ZSWIM3: variants seen among roughly 807,000 people sequenced by gnomAD.
ZSWIM3 encodes zinc finger SWIM domain-containing protein 3.
In ZSWIM3, 27 loss-of-function variants were observed where a neutral mutation model predicts 47.5. The ratio of observed to expected loss-of-function variants is 0.57; its 90% CI spans 0.42 to 0.78. ZSWIM3 has a LOEUF of 0.78. ZSWIM3 is among the 30% of genes least tolerant of loss of function. The probability of loss-of-function intolerance (pLI) is 0.00; values close to 1 mark genes in which losing one functional copy is unlikely to be tolerated. For missense variants in ZSWIM3, 689 were observed against 861.3 expected (o/e 0.80, Z 2.50); for synonymous variants, 333 against 333.9 (o/e 1.00, Z 0.03).
chr20:45,873,636 A>G (rs1449800440), intron 1 of ZSWIM3, among the ~76,000 whole-genome samples: 1 of 152,228 alleles, frequency 6.6e-6, no homozygotes, highest in African/African-American at 2.4e-5. Flanking sequence ...GGCTCATTTA[A>G]TCTTAATAAC....
At chr20:45,859,423 G>GAAAAAA (rs74176827) in intron 1 of ZSWIM3, among the ~76,000 whole-genome samples, 1 of 56,698 alleles carries the variant, frequency 1.8e-5, no homozygotes, top group African/African-American at 7.1e-5. Flanking sequence ...AAGGAATGTG[G>GAAAAAA]AAAAAAAAAA....
In ZSWIM3 at chr20:45,862,433, G is replaced by A. The variant is rs1012289439; in HGVS notation, c.155+4453G>A. Among the ~76,000 whole-genome samples, 3 of 151,962 alleles carry A rather than the reference G, an allele frequency of 2.0e-5. No homozygotes were observed. The East Asian group carries it at 5.8e-4, about 29-fold the overall frequency. On this transcript the variant is annotated intron_variant, in intron 1 of 1. Coordinates refer to ENST00000255152, the MANE Select transcript of ZSWIM3 (RefSeq NM_080752.4). Reference sequence around the variant, plus strand: ...GCTGGGATTACAGATGTGAGCCACCGTGCCCAGTCTGCATTATCTTTTTTA... The same window carrying A: ...GCTGGGATTACAGATGTGAGCCACCATGCCCAGTCTGCATTATCTTTTTTA...
chr20:45,860,001 G>A (rs1008624433), intron 1 of ZSWIM3, among the ~76,000 whole-genome samples: 1 of 152,166 alleles, frequency 6.6e-6, no homozygotes, highest in Non-Finnish European at 1.5e-5. Context: ...AGACGTAAGA[G>A]TGAAAGGGAG....
At chr20:45,864,419 G>C (rs926093610) in intron 1 of ZSWIM3, among the ~76,000 whole-genome samples, 5 of 152,200 alleles carry the variant, frequency 3.3e-5, no homozygotes, top group African/African-American at 1.2e-4. Flanking sequence ...GGGTTGGTGG[G>C]GGAAATGTTT....
At chr20:45,865,413 G>A (rs183097426) in intron 1 of ZSWIM3, among the ~76,000 whole-genome samples, 1,727 of 152,132 alleles carry the variant, frequency 0.011, 42 homozygotes, top group African/African-American at 0.04. Flanking sequence ...GCGTGAACCC[G>A]GGAGGCGGAG....
chr20:45,878,082 G>T lies in ZSWIM3; in HGVS notation c.1524G>T (p.Lys508Asn). The T allele has an allele frequency of 6.2e-7, 1 of 1,614,178 alleles. No homozygotes were observed. Residue 508 changes from lysine (K) to asparagine (N), a missense_variant, in exon 2 of 2, where the codon AAG becomes AAT. Coordinates refer to ENST00000255152, the MANE Select transcript of ZSWIM3 (RefSeq NM_080752.4). The part of the protein sequence containing the change: ...LHQSGSELAY[K>N]LCHNEWEVVQ... ...AGAGTGGCTCTGAACTAGCCTACAA[G>T]CTGTGCCACAATGAGTGGGAGGTGG...
Position 45,878,576 on chromosome 20 carries a change from G to T in ZSWIM3, c.2018G>T (p.Arg673Leu). The change falls in exon 2 of 2, where the codon CGC becomes CTC. Residue 673 changes from arginine (R) to leucine (L), a missense_variant. By Grantham distance (102) the Arg-to-Leu change is moderately radical. Transcript: ENST00000255152. ...CCAGGAGACTTTAAGGACGTGGGCCGCCTCCCTTTCCTCTGGGGAAAGCAA... is the reference window on the plus strand; with the variant it reads ...CCAGGAGACTTTAAGGACGTGGGCCTCCTCCCTTTCCTCTGGGGAAAGCAA... ...QQPGDFKDVG[R>L]LPFLWGKQEE... is the part of the protein sequence containing the mutation. 6.2e-7 allele frequency: 1 copy of T among 1,613,990 alleles called. No individual in the cohort carries two copies. The highest frequency in any genetic ancestry group is 8.5e-7 in the Non-Finnish European group (1 of 1,179,984).
intron 1 of ZSWIM3, among the ~76,000 whole-genome samples, chr20:45,865,430 G>C (rs6073936): frequency 0.014 from 2,136 of 152,228 alleles, 26 homozygotes; most frequent in Admixed American, 0.021. Context: ...GGAGCTTGCA[G>C]TGAGCCAAGA....
chr20:45,874,815 A>G (rs78044163), intron 1 of ZSWIM3, among the ~76,000 whole-genome samples: 4,013 of 152,014 alleles, frequency 0.026, 78 homozygotes, highest in Non-Finnish European at 0.039. Context: ...CAACCAAGAG[A>G]GAATGGAGTT....
At position 45,877,659 on chromosome 20, in the gene ZSWIM3, G is replaced by A; in HGVS notation, c.1101G>A (p.Gln367=). ...ATGAGGATCTCTTCAACTTCCTGCA[G>A]GCCCACTGGTTCACCTGTGAACTGC... is the stretch of plus-strand genomic sequence containing the variant. The part of the protein sequence containing the change: ...VLDEDLFNFL[Q]AHWFTCELLW... The change falls in exon 2 of 2, where the codon CAG becomes CAA. Residue 367 remains glutamine, a synonymous_variant. Transcript: ENST00000255152. The A allele has an allele frequency of 6.2e-7, 1 of 1,614,132 alleles. No homozygotes were observed. Among genetic ancestry groups the A allele is most frequent in the Non-Finnish European group, 8.5e-7 (1 of 1,179,986 alleles).
chr20:45,857,691 A>T lies in ZSWIM3; in HGVS notation c.-135A>T, dbSNP rs1286385577. The T allele has an allele frequency of 6.4e-6, 7 of 1,100,854 alleles. No homozygotes were observed. In the South Asian group the frequency reaches 1.1e-4, roughly 17 times the overall value. 68.2% of individuals were successfully genotyped at this position (1,100,854 alleles called of 1,614,324 possible). On this transcript the variant is annotated 5_prime_UTR_variant, in exon 1 of 2. Coordinates refer to ENST00000255152, the MANE Select transcript of ZSWIM3 (RefSeq NM_080752.4). ...TCCTCCCTGAGTTCCAGAATAGGCC[A>T]CCCAGTTGGGGCGGACCCTTAAGGC...
intron 1 of ZSWIM3, among the ~76,000 whole-genome samples, chr20:45,875,035 C>CTTTTTT (rs35356697): frequency 2.7e-4 from 24 of 90,542 alleles, no homozygotes; most frequent in South Asian, 8.7e-4. Flanking sequence ...TTAATTTTAA[C>CTTTTTT]TTTTTTTTTT....
rs60824166 is a variant in ZSWIM3 at position 45,877,983 on chromosome 20, C to T, written c.1425C>T (p.Asp475=). 2.1e-3 allele frequency: 3,396 copies of T among 1,614,120 alleles called. 68 individuals are homozygous for T. In the African/African-American group the frequency reaches 0.04, roughly 19 times the overall value. The change falls in exon 2 of 2, where the codon GAC becomes GAT. Residue 475 remains aspartate, a synonymous_variant. Transcript: ENST00000255152. Reference sequence around the variant, plus strand: ...TCCCTGCAGAAGAGACCAAGCCAGACGCACAGCAGGTACAGGTACAGCAGC... The same window carrying T: ...TCCCTGCAGAAGAGACCAAGCCAGATGCACAGCAGGTACAGGTACAGCAGC... ...TSLPAEETKP[D]AQQVQVQQQS... is the part of the protein sequence containing the mutation.
intron 1 of ZSWIM3, among the ~76,000 whole-genome samples, chr20:45,876,419 G>T (rs1218610541): frequency 6.6e-6 from 1 of 152,018 alleles, no homozygotes; most frequent in Non-Finnish European, 1.5e-5. Flanking sequence ...GCTTACTGCA[G>T]CCTTAACTTC....
Position 45,878,105 on chromosome 20 carries a change from T to C in ZSWIM3, c.1547T>C (p.Val516Ala). 1 of 1,613,756 alleles carries C rather than the reference T, an allele frequency of 6.2e-7. No individual in the cohort carries two copies. ...AAGCTGTGCCACAATGAGTGGGAGG[T>C]GGTACAGAACTCCACCCACCTGGTG... is the stretch of plus-strand genomic sequence containing the variant. ...AYKLCHNEWE[V>A]VQNSTHLVDM... The change falls in exon 2 of 2, where the codon GTG becomes GCG. Residue 516 changes from valine to alanine, a missense_variant. Transcript: ENST00000255152.
intron 1 of ZSWIM3, among the ~76,000 whole-genome samples, chr20:45,864,525 A>T (rs1241252094): frequency 6.6e-6 from 1 of 151,984 alleles, no homozygotes; most frequent in Non-Finnish European, 1.5e-5. Context: ...AAATGTAGAC[A>T]TAAAGTTCCT....
chr20:45,863,964 C>G (rs1164219306), intron 1 of ZSWIM3, among the ~76,000 whole-genome samples: 1 of 152,334 alleles, frequency 6.6e-6, no homozygotes, highest in Admixed American at 6.5e-5. Context: ...CACCACTGCA[C>G]TCCAGCCTGA....
intron 1 of ZSWIM3, among the ~76,000 whole-genome samples, chr20:45,860,478 T>A (rs1385520358): frequency 7.3e-6 from 1 of 136,488 alleles, no homozygotes; most frequent in Non-Finnish European, 1.5e-5. Flanking sequence ...GCCATTGCAC[T>A]CCAGCCTCGG....
At chr20:45,873,759 C>G (rs1429968812) in intron 1 of ZSWIM3, among the ~76,000 whole-genome samples, 1 of 152,164 alleles carries the variant, frequency 6.6e-6, no homozygotes, top group African/African-American at 2.4e-5. Flanking sequence ...ATCCAGTCAG[C>G]CTCCAGTGTC....
Sources: allele counts gnomAD v4.1 joint callset (sites outside exome capture counted in the v4.1 genomes callset), GRCh38; gene constraint gnomAD v4.1.1; transcripts MANE v1.5; gene names NCBI Gene and HGNC (gene_info 2026-07-23, HGNC 2026-07-21).